The following PCDH15 variants were observed in gnomAD, a reference collection of about 807,000 sequenced individuals.
PCDH15 encodes the protein protocadherin-15.
Under a neutral mutation model 178.5 loss-of-function variants are expected in PCDH15, and 129 were observed. That is an observed-to-expected ratio of 0.72 (90% CI 0.63 to 0.84). The LOEUF (loss-of-function observed/expected upper bound fraction) is 0.84, where lower values mean the gene tolerates loss of function less well. Ranked by LOEUF, PCDH15 falls within the 40% of genes least tolerant of loss-of-function variation. The probability of loss-of-function intolerance (pLI) is 0.00; values close to 1 mark genes in which losing one functional copy is unlikely to be tolerated. For synonymous variants in PCDH15, 800 were observed against 732.0 expected, an observed-to-expected ratio of 1.09 and a Z score of -1.50; for missense variants, 2,230 against 2,099.9, an observed-to-expected ratio of 1.06 and a Z score of -1.21.
intron 2 of PCDH15, among the ~76,000 whole-genome samples, chr10:55,028,124 C>T (rs543481912): frequency 6.6e-6 from 1 of 151,910 alleles, no homozygotes; most frequent in East Asian, 1.9e-4. Flanking sequence ...TCCATATATT[C>T]TCTCCTTAAC....
chr10:53,817,510 CTTTTTCTTTTTTTTTTCTTTTTTTTTTTT>C (rs1564522703), intron 34 of PCDH15, among the ~76,000 whole-genome samples: 3 of 140,562 alleles, frequency 2.1e-5, no homozygotes, highest in Admixed American at 7.1e-5. Context: ...TTTTTTTTTT[CTTTTTCTTTTTTTTTTCTTTTTTTTTTTT>C]TTGAGACAGA....
chr10:55,343,025 C>T (rs2131957058), intron 2 of PCDH15, among the ~76,000 whole-genome samples: 1 of 152,192 alleles, frequency 6.6e-6, no homozygotes, highest in African/African-American at 2.4e-5. Context: ...CCATGCAGGA[C>T]ACAACAAAGT....
chr10:55,342,137 A>AT (rs1283840432), intron 2 of PCDH15, among the ~76,000 whole-genome samples: 1 of 151,394 alleles, frequency 6.6e-6, no homozygotes, highest in Non-Finnish European at 1.5e-5. Flanking sequence ...CCCTGAATCA[A>AT]TTTTTTTAAT....
At position 55,283,563 on chromosome 10, in the gene PCDH15, T is replaced by A. The variant is rs1046636638; in HGVS notation, c.-156+36036A>T. On this transcript the variant is annotated intron_variant, in intron 1 of 5. Transcript: ENST00000458638. ...AGACACAGCTTCTTTCCTTCCTTACTACTTTTCTTATTACTATTCTTCCTT... is the reference window on the plus strand; with the variant it reads ...AGACACAGCTTCTTTCCTTCCTTACAACTTTTCTTATTACTATTCTTCCTT... 1.1e-4 allele frequency among the ~76,000 whole-genome samples: 16 copies of A among 151,876 alleles called. No individual in the cohort carries two copies. In the South Asian group the frequency reaches 3.3e-3, roughly 32 times the overall value.
intron 2 of PCDH15, among the ~76,000 whole-genome samples, chr10:55,557,407 T>G (rs1396877461): frequency 6.6e-6 from 1 of 152,152 alleles, no homozygotes; most frequent in Non-Finnish European, 1.5e-5. Context: ...TAAACTGGAT[T>G]TGGTCAAAAT....
intron 26 of PCDH15, among the ~76,000 whole-genome samples, chr10:53,900,548 A>G (rs1479283156): frequency 6.6e-6 from 1 of 152,110 alleles, no homozygotes; most frequent in Non-Finnish European, 1.5e-5. Context: ...CCTGACTTTT[A>G]CACTACTACC....
intron 2 of PCDH15, among the ~76,000 whole-genome samples, chr10:54,985,731 C>T (rs1474039266): frequency 6.6e-6 from 1 of 152,154 alleles, no homozygotes; most frequent in Non-Finnish European, 1.5e-5. Flanking sequence ...AAAGTCTTTA[C>T]TGAATGTATA....
At chr10:55,029,815 C>T (rs1840563791) in intron 2 of PCDH15, among the ~76,000 whole-genome samples, 1 of 151,836 alleles carries the variant, frequency 6.6e-6, no homozygotes, top group Non-Finnish European at 1.5e-5. Flanking sequence ...GGAGAAACTA[C>T]CTAAAGAGCA....
At chr10:55,334,242 A>ATATATATATATGTGTGTGTG (rs1291195941) in intron 2 of PCDH15, among the ~76,000 whole-genome samples, 2 of 72,144 alleles carry the variant, frequency 2.8e-5, no homozygotes, top group African/African-American at 1.9e-4. Flanking sequence ...ATATATATAT[A>ATATATATATATGTGTGTGTG]TGTGTGTGTG....
intron 2 of PCDH15, among the ~76,000 whole-genome samples, chr10:55,513,963 G>A (rs1840949206): frequency 6.6e-6 from 1 of 151,910 alleles, no homozygotes; most frequent in Non-Finnish European, 1.5e-5. Flanking sequence ...TTTAAACCAA[G>A]ATACTCAACG....
At chr10:54,273,883 T>C (rs10825293) in intron 8 of PCDH15, among the ~76,000 whole-genome samples, 70,744 of 151,820 alleles carry the variant, frequency 0.47, 17,194 homozygotes, top group Middle Eastern at 0.55. Context: ...ATGGAATCAA[T>C]CTAAATGCCC....
At chr10:54,173,374 A>G (rs374346449) in intron 13 of PCDH15, among the ~76,000 whole-genome samples, 15 of 152,126 alleles carry the variant, frequency 9.9e-5, no homozygotes, top group East Asian at 9.6e-4. Context: ...TAATTATTCA[A>G]CTTTGCCTCT....
At chr10:54,254,422 T>C (rs937235389) in intron 8 of PCDH15, among the ~76,000 whole-genome samples, 1 of 152,170 alleles carries the variant, frequency 6.6e-6, no homozygotes. Flanking sequence ...GGTTCATTTT[T>C]TTGATAGATA....
intron 37 of PCDH15, chr10:53,809,234 A>G (rs1588874898): frequency 6.2e-7 from 1 of 1,613,904 alleles, no homozygotes; most frequent in South Asian, 1.1e-5. Flanking sequence ...TATTCAGTAT[A>G]GTCGCTGGAG....
intron 2 of PCDH15, among the ~76,000 whole-genome samples, chr10:55,081,341 CTT>C (rs912557623): frequency 1.4e-4 from 21 of 152,264 alleles, no homozygotes; most frequent in African/African-American, 4.3e-4. Context: ...ACAATCTCCT[CTT>C]GTCTCTTCTT....
chr10:53,967,407 T>C (rs2089154333), intron 21 of PCDH15, among the ~76,000 whole-genome samples: 1 of 152,280 alleles, frequency 6.6e-6, no homozygotes, highest in South Asian at 2.1e-4. Flanking sequence ...TAGCTGGAAC[T>C]ACAGGTGCAT....
chr10:54,493,390 A>G (rs551040362), intron 3 of PCDH15, among the ~76,000 whole-genome samples: 1 of 152,208 alleles, frequency 6.6e-6, no homozygotes, highest in African/African-American at 2.4e-5. Flanking sequence ...CCAGCATTTT[A>G]CATCAGAGTA....
intron 2 of PCDH15, among the ~76,000 whole-genome samples, chr10:55,362,259 T>C (rs1050516297): frequency 4.6e-5 from 7 of 152,144 alleles, no homozygotes; most frequent in African/African-American, 1.7e-4. Context: ...CTACTCGTGG[T>C]ACTTTTTTAT....
intron 13 of PCDH15, among the ~76,000 whole-genome samples, chr10:54,173,752 T>C (rs552921950): frequency 2.6e-5 from 4 of 152,122 alleles, no homozygotes; most frequent in Non-Finnish European, 5.9e-5. Context: ...TTGACAATAA[T>C]TTTATTCCAT....
Sources: allele counts gnomAD v4.1 joint callset (sites outside exome capture counted in the v4.1 genomes callset), GRCh38; gene constraint gnomAD v4.1.1; transcripts MANE v1.5; gene names NCBI Gene and HGNC (gene_info 2026-07-23, HGNC 2026-07-21).